The following PRKAG3 variants were observed in gnomAD, a reference collection of about 807,000 sequenced individuals.
The protein encoded by PRKAG3 is protein kinase AMP-activated non-catalytic subunit gamma 3.
PRKAG3 carries 39 observed loss-of-function variants against 56.5 expected under a neutral mutation model. The ratio of observed to expected loss-of-function variants is 0.69; its 90% confidence interval spans 0.53 to 0.90. PRKAG3 has a LOEUF of 0.90. Among genes scored for constraint, PRKAG3 ranks in the 40% least tolerant of loss-of-function variants. PRKAG3 has a pLI of 0.00. For synonymous variants in PRKAG3, 243 were observed against 250.1 expected (o/e 0.97, Z 0.27); for missense variants, 628 against 627.5 (o/e 1.00, Z -0.01).
chr2:218,823,586 T>G, exon 13 of PRKAG3: 9 of 1,404,492 alleles, frequency 6.4e-6, no homozygotes, highest in South Asian at 1.3e-5. Context: ...TGTCCCAATC[T>G]GAGATCCAGG....
At chr2:218,826,411 G>A (rs970547715) in intron 10 of PRKAG3, among the ~76,000 whole-genome samples, 2 of 152,100 alleles carry the variant, frequency 1.3e-5, no homozygotes, top group African/African-American at 4.8e-5. Flanking sequence ...GGGCTGGCTG[G>A]GGGCCCGAGG....
At position 218,827,037 on chromosome 2, in the gene PRKAG3, G is replaced by A. The variant is rs200781652; in HGVS notation, c.1059C>T (p.Ile353=). The change falls in exon 10 of 13, where the codon ATC becomes ATT. Residue 353 remains isoleucine (I), a synonymous_variant. Coordinates refer to ENST00000529249, the Ensembl canonical transcript of PRKAG3. The surrounding 1 kb of genome is among the most constrained non-coding windows in gnomAD (Gnocchi z 5.3). ...CCACAGCCAAGTCTCGGAATGTGCC[G>A]ATGCCCAAATCTTGGATAGTGCGGT... 6.8e-6 allele frequency: 11 copies of A among 1,614,044 alleles called. No homozygotes were observed. The highest frequency in any genetic ancestry group is 1.7e-4 in the Middle Eastern group (1 of 5,934).
In PRKAG3 at chr2:218,824,386, G is replaced by T; in HGVS notation, c.1207-18C>A. The T allele has an allele frequency of 1.2e-6, 2 of 1,614,114 alleles. No homozygotes were observed. The highest frequency in any genetic ancestry group is 1.7e-6 in the Non-Finnish European group (2 of 1,180,008). ...GCCAGGTGCTGGGGCAGAGAGAGAA[G>T]TATGGCTCCTAGTCACCCCCTTGCC... On this transcript the variant is annotated intron_variant, in intron 11 of 12. Transcript: ENST00000529249.
At position 218,826,772 on chromosome 2, in the gene PRKAG3, T is replaced by G. The variant is rs1000935; in HGVS notation, c.1168+156A>C. 0.045 allele frequency: 41,675 copies of G among 933,310 alleles called. 10,238 individuals are homozygous for G. In the African/African-American group the frequency reaches 0.57, roughly 13 times the overall value. The allele number at this position is 933,310 out of a possible 1,614,324, so 57.8% of individuals were successfully genotyped here. On this transcript the variant is annotated intron_variant, in intron 10 of 12. Transcript: ENST00000529249. ...TGAGGCACAGAGAGGCTAAGCAACT[T>G]GCCCAAGTCTCAGAGTAGACGGAGA...
intron 10 of PRKAG3, 29 bp from the exon 11 acceptor site, chr2:218,824,605 G>A (rs1248903834): frequency 2.5e-6 from 4 of 1,593,154 alleles, no homozygotes; most frequent in Non-Finnish European, 3.4e-6. Flanking sequence ...GGGGGTGGGG[G>A]GAGAAAGACA....
chr2:218,823,904 G>A (rs757831498), intron 12 of PRKAG3, 26 bp from the exon 13 acceptor site: 102 of 1,603,896 alleles, frequency 6.4e-5, no homozygotes, highest in Non-Finnish European at 8.3e-5. Flanking sequence ...GTTCAGTGAG[G>A]GGGCAGAGCC....
At chr2:218,829,930 C>T (rs548090350) in intron 4 of PRKAG3, 48 bp downstream of exon 4, 3 of 1,576,324 alleles carry the variant, frequency 1.9e-6, no homozygotes, top group East Asian at 2.3e-5. Flanking sequence ...GGCTGCAGCA[C>T]CGTGTGGATG....
At chr2:218,824,423 C>A in intron 11 of PRKAG3, 55 bp from the exon 12 acceptor site, 1 of 1,613,516 alleles carries the variant, frequency 6.2e-7, no homozygotes, top group Admixed American at 1.7e-5. Flanking sequence ...GGGCTCCTAC[C>A]CTACAGATGT....
At position 218,827,144 on chromosome 2, in the gene PRKAG3, G is replaced by C; in HGVS notation, c.1003-51C>G. On this transcript the variant is annotated intron_variant, in intron 9 of 12. Coordinates refer to ENST00000529249, the Ensembl canonical transcript of PRKAG3. The surrounding 1 kb of genome is among the most constrained non-coding windows in gnomAD (Gnocchi z 5.3). ...GATCAGGGATCCAGCAGCTTCAAGA[G>C]GGCTCCCAGCTCTTCCCCACGACTG... is the stretch of plus-strand genomic sequence containing the variant. The C allele has an allele frequency of 6.2e-7, 1 of 1,612,760 alleles. No individual in the cohort carries two copies. Among genetic ancestry groups the C allele is most frequent in the South Asian group, 1.1e-5 (1 of 90,996 alleles).
Position 218,827,408 on chromosome 2 carries a change from C to G in PRKAG3, c.876-35G>C. 2 of 1,613,868 alleles carry G rather than the reference C, an allele frequency of 1.2e-6. No individual in the cohort carries two copies. Among genetic ancestry groups the G allele is most frequent in the Non-Finnish European group, 1.7e-6 (2 of 1,179,886 alleles). ...TGGGAGCAGTGAGCCTCGGGGCAGC[C>G]TAGGGAGAGACAACCTCCATCCCAG... On this transcript the variant is annotated intron_variant, in intron 8 of 12. Coordinates refer to ENST00000529249, the Ensembl canonical transcript of PRKAG3. This position sits in a 1 kb window ranked among gnomAD's most constrained non-coding sequence, Gnocchi z 5.3.
At chr2:218,825,275 G>T (rs1459606166) in intron 10 of PRKAG3, among the ~76,000 whole-genome samples, 7 of 150,450 alleles carry the variant, frequency 4.7e-5, no homozygotes, top group Non-Finnish European at 1.0e-4. Flanking sequence ...GGTGGAGGTT[G>T]CAGTGAGCCA....
intron 10 of PRKAG3, among the ~76,000 whole-genome samples, chr2:218,826,420 G>A (rs1449305516): frequency 6.6e-6 from 1 of 152,066 alleles, no homozygotes; most frequent in Non-Finnish European, 1.5e-5. Context: ...GGGGGCCCGA[G>A]GTCCCATGGC....
At chr2:218,831,671 C>T in intron 1 of PRKAG3, 67 bp downstream of exon 1, 1 of 1,569,442 alleles carries the variant, frequency 6.4e-7, no homozygotes, top group Non-Finnish European at 8.7e-7. Flanking sequence ...CACACACATT[C>T]ACAGCCCGTG....
chr2:218,830,275 T>C (rs772622983), exon 4 of PRKAG3: 7 of 1,613,516 alleles, frequency 4.3e-6, no homozygotes, highest in Middle Eastern at 1.6e-4. Context: ...AGTCCCACCC[T>C]GTTGGTGGAG....
intron 10 of PRKAG3, among the ~76,000 whole-genome samples, chr2:218,825,526 T>C (rs1257158716): frequency 2.6e-5 from 4 of 151,434 alleles, no homozygotes. Flanking sequence ...CATTTGCCTG[T>C]AATCCCAGCT....
chr2:218,823,067 C>T (rs1943878207), downstream of PRKAG3: 2 of 959,394 alleles, frequency 2.1e-6, no homozygotes, highest in Non-Finnish European at 1.2e-6. Flanking sequence ...TTTGGGAGGG[C>T]TGAAGAAGCC....
chr2:218,823,399 A>G (rs1223567336), exon 13 of PRKAG3: 1 of 313,958 alleles, frequency 3.2e-6, no homozygotes, highest in African/African-American at 2.1e-5. Context: ...AAATCTTCCC[A>G]GAGTGTCTGA....
intron 10 of PRKAG3, among the ~76,000 whole-genome samples, chr2:218,825,335 CAAAA>C (rs3078328): frequency 2.8e-5 from 2 of 71,082 alleles, no homozygotes; most frequent in Non-Finnish European, 6.8e-5. Context: ...GACTCTGTCT[CAAAA>C]AAAAAAAAAA....
chr2:218,831,230 G>C, intron 2 of PRKAG3, 106 bp downstream of exon 2: 1 of 879,126 alleles, frequency 1.1e-6, no homozygotes, highest in Non-Finnish European at 1.7e-6. Context: ...AAGACCAAAA[G>C]GAGGAAGATA....
Sources: gnomAD v4.1 joint callset for allele counts (sites outside exome capture counted in the v4.1 genomes callset) on GRCh38, gnomAD v4.1.1 for gene constraint, Gnocchi (gnomAD v3.1) non-coding constraint, MANE v1.5 for transcripts, NCBI Gene and HGNC (gene_info 2026-07-23, HGNC 2026-07-21) for gene names.